Variants in COL22A1 observed in about 807,000 individuals in gnomAD.
The protein encoded by COL22A1 is collagen alpha-1(XXII) chain.
COL22A1 carries 221 observed loss-of-function variants against 248.9 expected under a neutral mutation model. The observed-to-expected ratio is 0.89, with a 90% CI of 0.80 to 0.99. COL22A1 has a LOEUF of 0.99. Ranked by LOEUF, COL22A1 falls within the 50% of genes least tolerant of loss-of-function variation. The pLI is 0.00. For missense variants in COL22A1, 2,240 were observed against 2,179.0 expected, an observed-to-expected ratio of 1.03 and a Z score of -0.56; for synonymous variants, 891 against 793.4, an observed-to-expected ratio of 1.12 and a Z score of -2.07.
At chr8:138,840,261 G>A (rs528732205) in intron 4 of COL22A1, among the ~76,000 whole-genome samples, 1 of 152,224 alleles carries the variant, frequency 6.6e-6, no homozygotes, top group South Asian at 2.1e-4. Context: ...TATAATTAGA[G>A]GAGACGGTAG....
In COL22A1 at chr8:138,636,935, T is replaced by C. The variant is rs1237365398; in HGVS notation, c.3502-140A>G. ...AGTTCCTGTGGTAGCTCAGGCACGG[T>C]GGCAGCAGATAGATAGAAACAGGGC... On this transcript the variant is annotated intron_variant, in intron 47 of 64. Coordinates refer to ENST00000303045, the MANE Select transcript of COL22A1 (RefSeq NM_152888.3). 26 of 720,548 alleles carry C rather than the reference T, an allele frequency of 3.6e-5. No individual in the cohort carries two copies. In the East Asian group the frequency reaches 6.5e-4, roughly 18 times the overall value. 44.6% of individuals were successfully genotyped at this position (720,548 alleles called of 1,614,324 possible).
chr8:138,859,948 G>T (rs1822328335), intron 3 of COL22A1, among the ~76,000 whole-genome samples: 1 of 152,152 alleles, frequency 6.6e-6, no homozygotes, highest in African/African-American at 2.4e-5. Context: ...TTTCCTCCTG[G>T]ACAGCTGAGA....
At chr8:138,872,339 G>A (rs1039925842) in intron 3 of COL22A1, among the ~76,000 whole-genome samples, 17 of 152,172 alleles carry the variant, frequency 1.1e-4, no homozygotes, top group African/African-American at 2.7e-4. Flanking sequence ...GGGAGCACAG[G>A]AGAGGCTGCT....
intron 4 of COL22A1, among the ~76,000 whole-genome samples, chr8:138,834,983 C>A (rs1044761194): frequency 1.3e-5 from 2 of 152,124 alleles, no homozygotes; most frequent in South Asian, 2.1e-4. Flanking sequence ...CAATTCCAGG[C>A]ATGAAGAGTC....
chr8:138,909,763 C>T (rs1314380126), intron 1 of COL22A1, among the ~76,000 whole-genome samples: 2 of 152,282 alleles, frequency 1.3e-5, no homozygotes, highest in African/African-American at 4.8e-5. Context: ...CCACAATGGG[C>T]TGGCAGGGCC....
intron 13 of COL22A1, among the ~76,000 whole-genome samples, chr8:138,780,076 C>T (rs1814819816): frequency 6.6e-6 from 1 of 152,148 alleles, no homozygotes; most frequent in South Asian, 2.1e-4. Context: ...AGTATTAGCT[C>T]CACTCCTACT....
intron 8 of COL22A1, among the ~76,000 whole-genome samples, 199 bp downstream of exon 8, chr8:138,812,740 G>A (rs1356579850): frequency 1.3e-5 from 2 of 152,036 alleles, no homozygotes; most frequent in Admixed American, 6.5e-5. Context: ...ACTGACTAAG[G>A]TACAGACCAC....
At chr8:138,826,315 A>G (rs112451671) in intron 6 of COL22A1, among the ~76,000 whole-genome samples, 3 of 152,214 alleles carry the variant, frequency 2.0e-5, no homozygotes, top group South Asian at 2.1e-4. Context: ...CCTCCACTGC[A>G]TCACGAAGCT....
At chr8:138,599,137 T>C (rs1817789052) in intron 60 of COL22A1, among the ~76,000 whole-genome samples, 1 of 152,046 alleles carries the variant, frequency 6.6e-6, no homozygotes. Flanking sequence ...GGTCAGGAGA[T>C]TGAGACCATC....
intron 43 of COL22A1, among the ~76,000 whole-genome samples, chr8:138,660,947 AAC>A (rs146593168): frequency 0.72 from 96,074 of 132,672 alleles, 35,743 homozygotes; most frequent in Non-Finnish European, 0.84. Flanking sequence ...CACACACATA[AAC>A]ACACAGACAC....
In COL22A1 at chr8:138,847,182, T is replaced by G. The variant is rs1471100708; in HGVS notation, c.659-3024A>C. 3.9e-5 allele frequency among the ~76,000 whole-genome samples: 6 copies of G among 152,312 alleles called. No individual in the cohort carries two copies. The East Asian group carries it at 9.7e-4, about 25-fold the overall frequency. On this transcript the variant is annotated intron_variant, in intron 3 of 64. Transcript: ENST00000303045. ...ACCTGGTTGGACCTCAGCTCACCTC[T>G]GTATGGCCACTGTCTTTCTAGCTCC...
intron 63 of COL22A1, among the ~76,000 whole-genome samples, chr8:138,593,381 AAT>A (rs1564072308): frequency 5.7e-4 from 85 of 148,648 alleles, no homozygotes; most frequent in African/African-American, 2.0e-3. Context: ...ACTTGAAGTA[AAT>A]TTTTTTTTTA....
chr8:138,700,641 C>T (rs1159998357), intron 31 of COL22A1, among the ~76,000 whole-genome samples: 2 of 152,186 alleles, frequency 1.3e-5, no homozygotes, highest in Non-Finnish European at 2.9e-5. Flanking sequence ...AAGACTCTGG[C>T]GGACTGGCCC....
At chr8:138,804,799 T>A (rs1817331243) in intron 10 of COL22A1, among the ~76,000 whole-genome samples, 1 of 147,684 alleles carries the variant, frequency 6.8e-6, no homozygotes, top group Non-Finnish European at 1.5e-5. Flanking sequence ...GTGGTGTGTG[T>A]GTGTGTGATG....
intron 49 of COL22A1, 56 bp downstream of exon 49, chr8:138,634,954 G>C: frequency 8.8e-7 from 1 of 1,132,080 alleles, no homozygotes; most frequent in Non-Finnish European, 1.3e-6. Context: ...GGTGAGTTGA[G>C]ATGTGCATTC....
chr8:138,611,276 C>G (rs532943058), intron 56 of COL22A1, among the ~76,000 whole-genome samples: 23 of 152,334 alleles, frequency 1.5e-4, no homozygotes, highest in African/African-American at 5.3e-4. Context: ...TTGCTGGATT[C>G]TTACAGCCTC....
At chr8:138,831,826 C>T (rs1820068161) in intron 5 of COL22A1, among the ~76,000 whole-genome samples, 1 of 152,058 alleles carries the variant, frequency 6.6e-6, no homozygotes, top group Non-Finnish European at 1.5e-5. Context: ...GAAGAGAGGT[C>T]GCATAACACA....
In COL22A1 at chr8:138,896,294, C is replaced by T. The variant is rs193221741; in HGVS notation, c.-72-13050G>A. The stretch of plus-strand genomic sequence containing the variant: ...GCAAAAGTTATAGCATCATCTGATA[C>T]GGTGTTCAGTGTGTACAGAGGAAAT... On this transcript the variant is annotated intron_variant, in intron 1 of 64. Transcript: ENST00000303045. Among the ~76,000 whole-genome samples, 435 of 152,116 alleles carry T rather than the reference C, an allele frequency of 2.9e-3. 8 individuals are homozygous for T. Among genetic ancestry groups the T allele is most frequent in the South Asian group, 0.025 (119 of 4,818 alleles).
chr8:138,616,800 A>G, intron 54 of COL22A1, 114 bp downstream of exon 54: 1 of 1,202,432 alleles, frequency 8.3e-7, no homozygotes, highest in Non-Finnish European at 1.2e-6. Context: ...GGTGTGCTCC[A>G]CGTCCTCTCT....
Sources: gnomAD v4.1 joint callset for allele counts (sites outside exome capture counted in the v4.1 genomes callset) on GRCh38, gnomAD v4.1.1 for gene constraint, MANE v1.5 for transcripts, NCBI Gene and HGNC (gene_info 2026-07-23, HGNC 2026-07-21) for gene names.